MED9: variants seen among roughly 807,000 people sequenced by gnomAD.
The protein encoded by MED9 is mediator complex subunit 9, also known as mediator of RNA polymerase II transcription subunit 9.
Under a neutral mutation model 13.2 loss-of-function variants are expected in MED9, and 8 were observed. That is an observed-to-expected ratio of 0.61 (90% confidence interval 0.36 to 1.10). MED9 has a LOEUF of 1.10. MED9 is among the 50% of genes least tolerant of loss of function. The pLI is 0.02. For synonymous variants in MED9, 87 were observed against 82.8 expected (o/e 1.05, Z -0.28); for missense variants, 180 against 193.4 (o/e 0.93, Z 0.41).
intron 1 of MED9, 66 bp from the exon 2 acceptor site, chr17:17,491,213 G>C (rs1164299309): frequency 1.4e-6 from 2 of 1,422,212 alleles, no homozygotes; most frequent in Non-Finnish European, 2.0e-6. Flanking sequence ...GCTCTAGGGG[G>C]TGCAGGGCAG....
chr17:17,479,159 C>A (rs1439517720), intron 1 of MED9, among the ~76,000 whole-genome samples: 1 of 152,220 alleles, frequency 6.6e-6, no homozygotes, highest in Admixed American at 6.5e-5. Flanking sequence ...GTAAGTTATA[C>A]TAGAGAGAAC....
Position 17,492,468 on chromosome 17 carries a change from T to C in MED9, c.*973T>C, listed in dbSNP as rs1382599975. On this transcript the variant is annotated 3_prime_UTR_variant, in exon 2 of 2. Transcript: ENST00000268711. ...CCTTGTGTTGAGAGAGAGGCAACCCTGGGGGCCAGTTCAGGTGGTCCCCAA... is the reference window on the plus strand; with the variant it reads ...CCTTGTGTTGAGAGAGAGGCAACCCCGGGGGCCAGTTCAGGTGGTCCCCAA... 1 of 152,018 alleles carries C rather than the reference T, an allele frequency of 6.6e-6. No homozygotes were observed. The highest frequency in any genetic ancestry group is 2.4e-5 in the African/African-American group (1 of 41,216). 9.4% of individuals were successfully genotyped at this position (152,018 alleles called of 1,614,324 possible).
In MED9 at chr17:17,483,812, C is replaced by T. The variant is rs1411684769; in HGVS notation, c.224+6547C>T. Among the ~76,000 whole-genome samples the T allele has an allele frequency of 2.0e-5, 3 of 151,924 alleles. No homozygotes were observed. The highest frequency in any genetic ancestry group is 4.4e-5 in the Non-Finnish European group (3 of 68,008). Reference sequence around the variant, plus strand: ...ATTAGCTGGATGTGGTGGTGCACGCCTGTAATCCCAGCTACTAGGGAGGCT... The same window carrying T: ...ATTAGCTGGATGTGGTGGTGCACGCTTGTAATCCCAGCTACTAGGGAGGCT... On this transcript the variant is annotated intron_variant, in intron 1 of 1. Transcript: ENST00000268711. The surrounding 1 kb of genome is among the most constrained non-coding windows in gnomAD (Gnocchi z 4.2).
chr17:17,477,022 G>C lies in MED9; in HGVS notation c.-20G>C. 14 of 1,603,320 alleles carry C rather than the reference G, an allele frequency of 8.7e-6. No individual in the cohort carries two copies. Among genetic ancestry groups the C allele is most frequent in the Non-Finnish European group, 1.2e-5 (14 of 1,179,546 alleles). ...GACGCTTTTGGCGACCCGACCTCTGGCTAACCTACCCCCGGAGCCATGGCC... is the reference window on the plus strand; with the variant it reads ...GACGCTTTTGGCGACCCGACCTCTGCCTAACCTACCCCCGGAGCCATGGCC... On this transcript the variant is annotated 5_prime_UTR_variant, in exon 1 of 2. Coordinates refer to ENST00000268711, the MANE Select transcript of MED9 (RefSeq NM_018019.3).
intron 1 of MED9, 50 bp downstream of exon 1, chr17:17,477,315 C>T (rs1904941426): frequency 1.3e-6 from 2 of 1,509,100 alleles, no homozygotes; most frequent in African/African-American, 1.4e-5. Context: ...AGCTTCTCCT[C>T]TCAGCCGTTT....
At chr17:17,484,250 A>G (rs1905083478) in intron 1 of MED9, among the ~76,000 whole-genome samples, 1 of 152,194 alleles carries the variant, frequency 6.6e-6, no homozygotes, top group African/African-American at 2.4e-5. Flanking sequence ...TGGGTACTTT[A>G]AAAACATTTT....
chr17:17,478,287 C>G (rs1904963600), intron 1 of MED9, among the ~76,000 whole-genome samples: 1 of 152,206 alleles, frequency 6.6e-6, no homozygotes, highest in African/African-American at 2.4e-5. Context: ...GTAACTCTTA[C>G]TCAACCATTA....
chr17:17,485,197 A>C (rs1905105591), intron 1 of MED9: 1 of 377,116 alleles, frequency 2.7e-6, no homozygotes, highest in Non-Finnish European at 4.7e-6. Flanking sequence ...AAACAAAAAA[A>C]AATTGTATTT....
At chr17:17,489,298 C>G (rs1410160498) in intron 1 of MED9, among the ~76,000 whole-genome samples, 1 of 152,210 alleles carries the variant, frequency 6.6e-6, no homozygotes, top group African/African-American at 2.4e-5. Context: ...ACACGCAACC[C>G]TTGCTATTTG....
At position 17,483,883 on chromosome 17, in the gene MED9, G is replaced by A. The variant is rs951611424; in HGVS notation, c.224+6618G>A. ...ACCCGGGAGGCGGAGGTTGCAGTGA[G>A]CCACGATCGCACCATTGCACTCCAG... On this transcript the variant is annotated intron_variant, in intron 1 of 1. Transcript: ENST00000268711. The surrounding 1 kb of genome is among the most constrained non-coding windows in gnomAD (Gnocchi z 4.2). 2.0e-5 allele frequency among the ~76,000 whole-genome samples: 3 copies of A among 149,894 alleles called. No individual in the cohort carries two copies. Among genetic ancestry groups the A allele is most frequent in the Non-Finnish European group, 4.4e-5 (3 of 67,766 alleles).
At chr17:17,482,391 T>C (rs8070874) in intron 1 of MED9, among the ~76,000 whole-genome samples, 3,645 of 152,336 alleles carry the variant, frequency 0.024, 152 homozygotes, top group African/African-American at 0.083. Context: ...AGAAATGATA[T>C]ATTGATCTTT....
intron 1 of MED9, among the ~76,000 whole-genome samples, chr17:17,479,644 G>A (rs899782027): frequency 2.0e-5 from 3 of 152,010 alleles, no homozygotes; most frequent in Non-Finnish European, 2.9e-5. Context: ...GGGCAACATG[G>A]CAAAACCCCG....
chr17:17,482,469 T>C (rs1273226287), intron 1 of MED9, among the ~76,000 whole-genome samples: 3 of 152,256 alleles, frequency 2.0e-5, no homozygotes, highest in Admixed American at 6.5e-5. Context: ...CCCTATAAAC[T>C]GTCCATTTCT....
rs182914175 is a variant in MED9 at position 17,483,704 on chromosome 17, C to T, written c.224+6439C>T. The stretch of plus-strand genomic sequence containing the variant: ...CTGTAATCCCAGCACTTTGGGAGGC[C>T]GAGGCGGGTGGATCACGAGGTCAGG... On this transcript the variant is annotated intron_variant, in intron 1 of 1. Transcript: ENST00000268711. This position sits in a 1 kb window ranked among gnomAD's most constrained non-coding sequence, Gnocchi z 4.2. Among the ~76,000 whole-genome samples the T allele has an allele frequency of 5.4e-3, 813 of 151,944 alleles. 6 individuals carry two copies. The highest frequency in any genetic ancestry group is 7.2e-3 in the Non-Finnish European group (491 of 67,972).
chr17:17,477,419 C>A (rs1322791674), intron 1 of MED9, 154 bp downstream of exon 1: 1 of 773,074 alleles, frequency 1.3e-6, no homozygotes, highest in Non-Finnish European at 2.0e-6. Flanking sequence ...TTTCCCAAGA[C>A]CACAGAGACA....
Position 17,477,069 on chromosome 17 carries a change from C to T in MED9, c.28C>T (p.Arg10Ter), listed in dbSNP as rs1904934013. MASAGVAAG[R>*]QAEDVLPPTS... Reference sequence around the variant, plus strand: ...GGCCTCTGCTGGGGTGGCAGCCGGGCGACAGGCGGAGGATGTATTGCCGCC... The same window carrying T: ...GGCCTCTGCTGGGGTGGCAGCCGGGTGACAGGCGGAGGATGTATTGCCGCC... The change falls in exon 1 of 2, where the codon CGA becomes TGA. Residue 10 changes from arginine (R) to a stop codon, truncating the protein, a stop_gained. Transcript: ENST00000268711. LOFTEE classifies it high-confidence loss of function. 6.2e-7 allele frequency: 1 copy of T among 1,606,836 alleles called. No individual in the cohort carries two copies. The highest frequency in any genetic ancestry group is 8.5e-7 in the Non-Finnish European group (1 of 1,179,660).
At chr17:17,485,556 C>A in intron 1 of MED9, 1 of 381,628 alleles carries the variant, frequency 2.6e-6, no homozygotes. Context: ...AAGAAGGGGG[C>A]ACACAGGTGC....
intron 1 of MED9, among the ~76,000 whole-genome samples, chr17:17,490,330 G>T (rs1238639346): frequency 2.0e-5 from 3 of 152,242 alleles, no homozygotes; most frequent in Admixed American, 6.5e-5. Context: ...CAGCTACTCA[G>T]GAGGCTGAGG....
rs1330093463 is a variant in MED9 at position 17,491,306 on chromosome 17, C to G, written c.252C>G (p.His84Gln). 6.2e-7 allele frequency: 1 copy of G among 1,613,760 alleles called. No homozygotes were observed. Among genetic ancestry groups the G allele is most frequent in the Non-Finnish European group, 8.5e-7 (1 of 1,179,966 alleles). The stretch of plus-strand genomic sequence containing the variant: ...TGGACAAGGACAGCCCGGAGGTCCA[C>G]CAGGACCTGAACGCCCTCAAAAGCA... ...KCMDKDSPEVHQDLNALKSKF... is the reference protein window; with the variant it reads ...KCMDKDSPEVQQDLNALKSKF... Residue 84 changes from histidine (H) to glutamine (Q), a missense_variant, in exon 2 of 2, where the codon CAC (histidine) becomes CAG (glutamine). His to Gln is a conservative substitution (Grantham distance 24). Transcript: ENST00000268711.
Sources: gnomAD v4.1 joint callset for allele counts (sites outside exome capture counted in the v4.1 genomes callset) on GRCh38, gnomAD v4.1.1 for gene constraint, Gnocchi (gnomAD v3.1) non-coding constraint, MANE v1.5 for transcripts, NCBI Gene and HGNC (gene_info 2026-07-23, HGNC 2026-07-21) for gene names.